The following ABCA1 variants were observed in gnomAD, a reference collection of about 807,000 sequenced individuals.
ABCA1 encodes ATP binding cassette subfamily A member 1.
Under a neutral mutation model 262.5 loss-of-function variants are expected in ABCA1, and 133 were observed. That is an observed-to-expected ratio of 0.51 (90% CI 0.44 to 0.59). ABCA1 has a LOEUF of 0.59. Ranked by LOEUF, ABCA1 falls within the 20% of genes least tolerant of loss-of-function variation. ABCA1 has a pLI of 0.00. For synonymous variants in ABCA1, 1,022 were observed against 1,043.5 expected (o/e 0.98, Z 0.40); for missense variants, 2,452 against 2,777.5 (o/e 0.88, Z 2.63).
chr9:104,895,898 A>G (rs1840160631), intron 2 of ABCA1, among the ~76,000 whole-genome samples: 1 of 152,198 alleles, frequency 6.6e-6, no homozygotes, highest in Non-Finnish European at 1.5e-5. Flanking sequence ...AGAACAGAGA[A>G]AACTAGCAGA....
At chr9:104,803,191 G>T in intron 33 of ABCA1, 93 bp downstream of exon 33, 1 of 1,423,180 alleles carries the variant, frequency 7.0e-7, no homozygotes, top group Non-Finnish European at 9.9e-7. Flanking sequence ...AAGTGTGTGA[G>T]TGACAAACAA....
At chr9:104,832,879 C>G in intron 11 of ABCA1, 108 bp from the exon 12 acceptor site, 1 of 1,021,002 alleles carries the variant, frequency 9.8e-7, no homozygotes, top group Admixed American at 1.9e-5. Flanking sequence ...TTTATCCTCA[C>G]AGAAAACTGA....
chr9:104,827,026 GA>G lies in ABCA1; in HGVS notation c.2258del (p.Ile753ThrfsTer75). 1 of 1,614,242 alleles carries G rather than the reference GA, an allele frequency of 6.2e-7. No homozygotes were observed. The highest frequency in any genetic ancestry group is 8.5e-7 in the Non-Finnish European group (1 of 1,180,048). ...CGTAGGGCAGGTACAGCGTGAAGTA[GA>G]TGATGCCCCCACAGGCTGCTGCCAG... ...ANLAAACGGI[I>X]YFTLYLPYVL... On this transcript the variant is annotated frameshift_variant, in exon 16 of 50. Coordinates refer to ENST00000374736, the MANE Select transcript of ABCA1 (RefSeq NM_005502.4). LOFTEE classifies it high-confidence loss of function.
At chr9:104,881,080 C>A (rs148281698) in intron 5 of ABCA1, among the ~76,000 whole-genome samples, 4,920 of 152,206 alleles carry the variant, frequency 0.032, 110 homozygotes, top group African/African-American at 0.057. Flanking sequence ...ACCCAGGAGG[C>A]AGAGGCTGCA....
chr9:104,792,819 C>A lies in ABCA1; in HGVS notation c.5724G>T (p.Gln1908His). ...ACTCCTTGATTTCTAAGATGTCATT[C>A]TGGCCTCCACCATCAAGAATTCTCT... ...ERQRILDGGGQNDILEIKELT... is the reference protein window; with the variant it reads ...ERQRILDGGGHNDILEIKELT... The change falls in exon 42 of 50, where the codon CAG becomes CAT. Residue 1908 changes from glutamine to histidine, a missense_variant. Gln to His is a conservative substitution (Grantham distance 24). Transcript: ENST00000374736. The A allele has an allele frequency of 1.2e-6, 2 of 1,614,138 alleles. No homozygotes were observed. Among genetic ancestry groups the A allele is most frequent in the Non-Finnish European group, 1.7e-6 (2 of 1,180,000 alleles).
At position 104,784,208 on chromosome 9, in the gene ABCA1, C is replaced by T; in HGVS notation, c.*107G>A. On this transcript the variant is annotated 3_prime_UTR_variant, in exon 50 of 50. Transcript: ENST00000374736. Reference sequence around the variant, plus strand: ...TAGTATCAGTACAGTATCCAGTTTACTTCTTCCCACATCAACTTCTGGCTC... The same window carrying T: ...TAGTATCAGTACAGTATCCAGTTTATTTCTTCCCACATCAACTTCTGGCTC... 4.9e-6 allele frequency: 7 copies of T among 1,440,994 alleles called. 1 individual carries two copies. In the South Asian group the frequency reaches 8.2e-5, roughly 17 times the overall value. The allele number at this position is 1,440,994 out of a possible 1,614,324, so 89.3% of individuals were successfully genotyped here.
intron 9 of ABCA1, 152 bp downstream of exon 9, chr9:104,840,127 G>A: frequency 7.6e-7 from 1 of 1,322,134 alleles, no homozygotes; most frequent in Non-Finnish European, 1.0e-6. Context: ...TTCAAGAGAA[G>A]CCTCTCTCCT....
intron 7 of ABCA1, chr9:104,855,990 C>A: frequency 6.2e-7 from 1 of 1,612,912 alleles, no homozygotes; most frequent in South Asian, 1.1e-5. Flanking sequence ...GAGTTTCTCT[C>A]CCCATCATGT....
chr9:104,785,988 T>C (rs1210821708), intron 48 of ABCA1, among the ~76,000 whole-genome samples: 1 of 152,196 alleles, frequency 6.6e-6, no homozygotes, highest in Non-Finnish European at 1.5e-5. Context: ...ACTCCAAAGC[T>C]TGCGCTCTCA....
In ABCA1 at chr9:104,825,730, G is replaced by A; in HGVS notation, c.2495C>T (p.Thr832Ile). 1 of 1,614,228 alleles carries A rather than the reference G, an allele frequency of 6.2e-7. No individual in the cohort carries two copies. Among genetic ancestry groups the A allele is most frequent in the South Asian group, 1.1e-5 (1 of 91,086 alleles). Reference sequence around the variant, plus strand: ...CCAGGTCATCACCCCATAGAGGAAGGTGTCAAACAGCATCATGGAGACCGA... The same window carrying A: ...CCAGGTCATCACCCCATAGAGGAAGATGTCAAACAGCATCATGGAGACCGA... ...TTSVSMMLFD[T>I]FLYGVMTWYI... Residue 832 changes from threonine to isoleucine, a missense_variant, in exon 17 of 50, where the codon ACC becomes ATC. Physicochemically the swap from Thr to Ile is moderately conservative, Grantham distance 89. Transcript: ENST00000374736.
chr9:104,884,495 G>A lies in ABCA1; in HGVS notation c.234C>T (p.Asn78=), dbSNP rs1173540519. The A allele has an allele frequency of 3.7e-6, 6 of 1,614,094 alleles. No homozygotes were observed. The highest frequency in any genetic ancestry group is 4.2e-6 in the Non-Finnish European group (5 of 1,180,030). ...PWVQGIICNA[N]NPCFRYPTPG... is the part of the protein sequence containing the mutation. ...GAGTCGGGTAACGGAAACAGGGGTT[G>A]TTGGCATTACAGATAATCCCCTGAA... Residue 78 remains asparagine (N), a synonymous_variant, in exon 4 of 50, where the codon AAC becomes AAT. Transcript: ENST00000374736.
chr9:104,798,668 G>T, intron 36 of ABCA1, 70 bp from the exon 37 acceptor site: 1 of 1,384,136 alleles, frequency 7.2e-7, no homozygotes, highest in Non-Finnish European at 1.0e-6. Context: ...GTGAGGACAT[G>T]GACACACAGA....
rs186298588 is a variant in ABCA1, at chr9:104,890,204, T to A, written c.67-1009A>T. ...AGGGCCTTGTGTTTCAGAGTAATTA[T>A]AACTTACAACTGTGGCTTCAGAGTC... is the stretch of plus-strand genomic sequence containing the variant. On this transcript the variant is annotated intron_variant, in intron 2 of 49. Transcript: ENST00000374736. Among the ~76,000 whole-genome samples the A allele has an allele frequency of 5.9e-5, 9 of 152,352 alleles. No homozygotes were observed. In the East Asian group the frequency reaches 1.7e-3, roughly 29 times the overall value.
chr9:104,860,468 T>C (rs1363451993), intron 6 of ABCA1, among the ~76,000 whole-genome samples: 1 of 152,190 alleles, frequency 6.6e-6, no homozygotes, highest in Non-Finnish European at 1.5e-5. Context: ...AAATTCTAGA[T>C]CATGTGAAGC....
Position 104,794,458 on chromosome 9 carries a change from T to C in ABCA1, c.5435A>G (p.His1812Arg). 6.3e-7 allele frequency: 1 copy of C among 1,599,534 alleles called. No homozygotes were observed. Among genetic ancestry groups the C allele is most frequent in the Non-Finnish European group, 8.5e-7 (1 of 1,175,900 alleles). Reference protein sequence around the residue: ...ILKSVFLIFPHFCLGRGLIDM... With the variant: ...ILKSVFLIFPRFCLGRGLIDM... The stretch of plus-strand genomic sequence containing the variant: ...GATGAGCCCTCGTCCCAGGCAAAAA[T>C]GTGGGAAGATCAAGAACACGGACTT... Residue 1812 changes from histidine (H) to arginine (R), a missense_variant, in exon 40 of 50, where the codon CAT becomes CGT. His to Arg is a conservative substitution (Grantham distance 29, BLOSUM62 0). Transcript: ENST00000374736.
rs1420508290 is a variant in ABCA1 at position 104,817,443 on chromosome 9, G to A, written c.3463-39C>T. On this transcript the variant is annotated intron_variant, in intron 23 of 49. Coordinates refer to ENST00000374736, the MANE Select transcript of ABCA1 (RefSeq NM_005502.4). The surrounding 1 kb of genome is among the most constrained non-coding windows in gnomAD (Gnocchi z 4.7). ...AGGAGGTGAGAACGGGTCAGGGACG[G>A]AGCAAGGCAGAGCCACCAGCACCTT... 1 of 1,607,260 alleles carries A rather than the reference G, an allele frequency of 6.2e-7. No individual in the cohort carries two copies.
intron 16 of ABCA1, among the ~76,000 whole-genome samples, chr9:104,826,633 G>A (rs986039096): frequency 2.0e-5 from 3 of 152,194 alleles, no homozygotes; most frequent in African/African-American, 7.2e-5. Flanking sequence ...GAGATAAAGG[G>A]CAGAGATGGC....
intron 37 of ABCA1, 93 bp from the exon 38 acceptor site, chr9:104,796,517 G>C (rs1329481227): frequency 1.1e-6 from 1 of 914,066 alleles, no homozygotes; most frequent in Non-Finnish European, 1.8e-6. Context: ...AGAAAGGGCA[G>C]ATAAACATAT....
At chr9:104,909,137 A>G (rs964986144) in intron 1 of ABCA1, among the ~76,000 whole-genome samples, 21 of 152,332 alleles carry the variant, frequency 1.4e-4, no homozygotes, top group African/African-American at 5.1e-4. Context: ...ATAGTAGATA[A>G]ATATTCATTA....
Sources: gnomAD v4.1 joint callset for allele counts (sites outside exome capture counted in the v4.1 genomes callset) on GRCh38, gnomAD v4.1.1 for gene constraint, Gnocchi (gnomAD v3.1) non-coding constraint, MANE v1.5 for transcripts, NCBI Gene and HGNC (gene_info 2026-07-23, HGNC 2026-07-21) for gene names.